AUTS2: variants seen among roughly 807,000 people sequenced by gnomAD.
AUTS2 encodes the protein autism susceptibility gene 2 protein.
A neutral mutation model predicts 112.4 loss-of-function variants in AUTS2; 17 were observed. The ratio of observed to expected loss-of-function variants is 0.15; its 90% CI spans 0.10 to 0.23. AUTS2 has a LOEUF of 0.23. Ranked by LOEUF, AUTS2 falls within the 10% of genes least tolerant of loss-of-function variation. AUTS2 has a pLI of 1.00. For missense variants in AUTS2, 1,510 were observed against 1,701.6 expected (o/e 0.89, Z 1.98); for synonymous variants, 751 against 702.7 (o/e 1.07, Z -1.09).
intron 2 of AUTS2, among the ~76,000 whole-genome samples, chr7:69,978,840 C>A (rs1377504757): frequency 6.8e-6 from 1 of 147,276 alleles, no homozygotes; most frequent in Non-Finnish European, 1.5e-5. Flanking sequence ...GGGCAAGACC[C>A]TGTCTGTCTC....
intron 1 of AUTS2, among the ~76,000 whole-genome samples, chr7:69,770,267 A>G (rs550609829): frequency 6.6e-6 from 1 of 152,384 alleles, no homozygotes; most frequent in East Asian, 1.9e-4. Context: ...CACTTTTTAC[A>G]TTATAAATGA....
In AUTS2 at chr7:69,942,910, G is replaced by C. The variant is rs564003958; in HGVS notation, c.522+43412G>C. ...AAACTGACACTAGAATTATTTTTCT[G>C]TATTTACTGACTAGAAAGATATGGT... is the stretch of plus-strand genomic sequence containing the variant. On this transcript the variant is annotated intron_variant, in intron 2 of 18. Coordinates refer to ENST00000342771, the MANE Select transcript of AUTS2 (RefSeq NM_015570.4). Among the ~76,000 whole-genome samples, 4 of 152,238 alleles carry C rather than the reference G, an allele frequency of 2.6e-5. No individual in the cohort carries two copies. In the South Asian group the frequency reaches 8.3e-4, roughly 32 times the overall value.
At chr7:70,170,781 T>C (rs1808640114) in intron 4 of AUTS2, among the ~76,000 whole-genome samples, 2 of 151,986 alleles carry the variant, frequency 1.3e-5, no homozygotes, top group South Asian at 4.2e-4. Flanking sequence ...CTAATTTTTG[T>C]ATTTTTAGTA....
intron 4 of AUTS2, among the ~76,000 whole-genome samples, chr7:70,410,432 T>TTATTTATC (rs1794726241): frequency 6.9e-6 from 1 of 144,346 alleles, no homozygotes; most frequent in African/African-American, 2.7e-5. Context: ...ATTTATTTAT[T>TTATTTATC]TATTTATTTA....
chr7:69,858,081 C>G (rs1256837158), intron 1 of AUTS2, among the ~76,000 whole-genome samples: 9 of 152,190 alleles, frequency 5.9e-5, no homozygotes. Context: ...GTCTGTTCTC[C>G]AGACCCCCTA....
intron 3 of AUTS2, among the ~76,000 whole-genome samples, chr7:70,127,216 C>T (rs1342812129): frequency 6.6e-6 from 1 of 152,180 alleles, no homozygotes. Flanking sequence ...TCACTGCAAC[C>T]TTGACCTCCT....
chr7:70,193,828 G>GT (rs1810030913), intron 4 of AUTS2, among the ~76,000 whole-genome samples: 1 of 152,134 alleles, frequency 6.6e-6, no homozygotes, highest in African/African-American at 2.4e-5. Flanking sequence ...TACTGTCAGT[G>GT]TTATTTAAAT....
chr7:70,219,778 G>A (rs1811379334), intron 4 of AUTS2, among the ~76,000 whole-genome samples: 1 of 151,896 alleles, frequency 6.6e-6, no homozygotes, highest in Non-Finnish European at 1.5e-5. Flanking sequence ...CACCACATTG[G>A]TCAGGCTGAT....
intron 1 of AUTS2, among the ~76,000 whole-genome samples, chr7:69,630,277 T>C (rs1344888470): frequency 6.6e-6 from 1 of 152,028 alleles, no homozygotes; most frequent in East Asian, 1.9e-4. Context: ...CCAAAAAACA[T>C]ATTTCTATTG....
chr7:70,037,538 T>G (rs2129557341), intron 2 of AUTS2, among the ~76,000 whole-genome samples: 1 of 152,328 alleles, frequency 6.6e-6, no homozygotes, highest in East Asian at 1.9e-4. Context: ...TTAATAATTT[T>G]ATTTAAAAAT....
chr7:70,264,252 G>A (rs1301927829), intron 4 of AUTS2, among the ~76,000 whole-genome samples: 1 of 152,138 alleles, frequency 6.6e-6, no homozygotes, highest in East Asian at 1.9e-4. Context: ...TCTGTTGCCA[G>A]ACTGCAGTAC....
chr7:70,178,197 CG>C (rs1400980969), intron 4 of AUTS2, among the ~76,000 whole-genome samples: 1 of 152,054 alleles, frequency 6.6e-6, no homozygotes, highest in African/African-American at 2.4e-5. Flanking sequence ...CCTTTAGCCC[CG>C]TGAAGAGTGA....
At chr7:70,708,251 C>T (rs1439174865) in intron 6 of AUTS2, among the ~76,000 whole-genome samples, 1 of 152,170 alleles carries the variant, frequency 6.6e-6, no homozygotes, top group African/African-American at 2.4e-5. Context: ...GCTCCTCTCC[C>T]CGAAAACCCA....
chr7:70,377,035 C>T (rs1321655537), intron 4 of AUTS2, among the ~76,000 whole-genome samples: 1 of 151,302 alleles, frequency 6.6e-6, no homozygotes, highest in African/African-American at 2.4e-5. Flanking sequence ...TTCATTGATG[C>T]CTGTTTATTT....
chr7:70,077,994 T>C (rs1803117791), intron 2 of AUTS2, among the ~76,000 whole-genome samples: 1 of 152,206 alleles, frequency 6.6e-6, no homozygotes. Context: ...GTCTCATTCT[T>C]TGATGTTTGG....
intron 4 of AUTS2, among the ~76,000 whole-genome samples, chr7:70,416,604 C>T (rs755078824): frequency 1.2e-4 from 18 of 152,222 alleles, no homozygotes; most frequent in Non-Finnish European, 2.5e-4. Context: ...TCCCTAACTC[C>T]GGGAAGAAGC....
chr7:69,992,989 C>T (rs1419185271), intron 2 of AUTS2, among the ~76,000 whole-genome samples: 2 of 152,196 alleles, frequency 1.3e-5, no homozygotes, highest in Non-Finnish European at 2.9e-5. Flanking sequence ...ATCTTAGCCT[C>T]AACTCAGAAT....
intron 4 of AUTS2, among the ~76,000 whole-genome samples, chr7:70,415,587 T>G (rs189918973): frequency 6.6e-6 from 1 of 152,332 alleles, no homozygotes; most frequent in East Asian, 1.9e-4. Context: ...TTGTTTAAGA[T>G]CTGGTGATCT....
At chr7:70,731,584 C>T (rs1257877922) in intron 6 of AUTS2, among the ~76,000 whole-genome samples, 4 of 151,826 alleles carry the variant, frequency 2.6e-5, no homozygotes, top group Admixed American at 1.3e-4. Flanking sequence ...TGCCCGCCAC[C>T]ATGCCCGGCT....
Sources: gnomAD v4.1 joint callset for allele counts (sites outside exome capture counted in the v4.1 genomes callset) on GRCh38, gnomAD v4.1.1 for gene constraint, MANE v1.5 for transcripts, NCBI Gene and HGNC (gene_info 2026-07-23, HGNC 2026-07-21) for gene names.